CDC37: variants seen among roughly 807,000 people sequenced by gnomAD.
The protein encoded by CDC37 is hsp90 co-chaperone Cdc37.
A neutral mutation model predicts 46.9 loss-of-function variants in CDC37; 9 were observed. The observed-to-expected ratio is 0.19, with a 90% CI of 0.12 to 0.33. CDC37 has a LOEUF of 0.33. Among genes scored for constraint, CDC37 ranks in the 10% least tolerant of loss-of-function variants. The pLI, the probability that CDC37 is intolerant of heterozygous loss-of-function variation, is 1.00. For missense variants in CDC37, 388 were observed against 514.6 expected, an observed-to-expected ratio of 0.75 and a Z score of 2.38; for synonymous variants, 193 against 191.0, an observed-to-expected ratio of 1.01 and a Z score of -0.09.
chr19:10,391,802 C>T (rs1479987752), intron 7 of CDC37, 96 bp from the exon 8 acceptor site: 2 of 1,291,010 alleles, frequency 1.5e-6, no homozygotes, highest in East Asian at 4.8e-5. Flanking sequence ...GGCTTCCTGC[C>T]TATTGATATT....
intron 1 of CDC37, 61 bp downstream of exon 1, chr19:10,403,317 G>C: frequency 7.8e-7 from 1 of 1,280,470 alleles, no homozygotes; most frequent in African/African-American, 1.5e-5. Context: ...GGCAGTATCG[G>C]GGATCACAAC....
chr19:10,400,609 A>T (rs1322094734), intron 1 of CDC37: 2 of 152,166 alleles, frequency 1.3e-5, no homozygotes, highest in East Asian at 3.9e-4. Flanking sequence ...CAGAAGTAGG[A>T]GGATCACTTG....
In CDC37 at chr19:10,391,581, C is replaced by T; in HGVS notation, c.1107G>A (p.Lys369=). 2 of 1,614,230 alleles carry T rather than the reference C, an allele frequency of 1.2e-6. No homozygotes were observed. Among genetic ancestry groups the T allele is most frequent in the South Asian group, 2.2e-5 (2 of 91,082 alleles). ...CACTGACATCCTTCTCATCGCCCGT[C>T]TTGGGAACAGCTTCCAGTAATGGGT... ...PGDPLLEAVP[K]TGDEKDVSV The change falls in exon 8 of 8, where the codon AAG becomes AAA. Residue 369 remains lysine, a synonymous_variant. Transcript: ENST00000222005.
Position 10,397,449 on chromosome 19 carries a change from C to T in CDC37, c.103-1246G>A, listed in dbSNP as rs187167783. On this transcript the variant is annotated intron_variant, in intron 1 of 7. Transcript: ENST00000222005. ...TTTTTTTTTTTTTTTGAGACGGAGTCGCCCAGGCTGGAGTGCAGTGGCGTG... is the reference window on the plus strand; with the variant it reads ...TTTTTTTTTTTTTTTGAGACGGAGTTGCCCAGGCTGGAGTGCAGTGGCGTG... 8.3e-3 allele frequency among the ~76,000 whole-genome samples: 1,120 copies of T among 135,250 alleles called. 16 individuals are homozygous for T. The highest frequency in any genetic ancestry group is 0.029 in the African/African-American group (1,042 of 35,512). 88.7% of individuals were successfully genotyped at this position (135,250 alleles called of 152,430 possible). A position where few individuals can be genotyped will look rare whatever the true frequency, so the allele number is the denominator to read the frequency against.
At chr19:10,397,180 G>A (rs151268961) in intron 1 of CDC37, among the ~76,000 whole-genome samples, 3 of 151,970 alleles carry the variant, frequency 2.0e-5, no homozygotes, top group Admixed American at 6.6e-5. Flanking sequence ...GAACGTGTTC[G>A]CCATTTTGTT....
Position 10,393,497 on chromosome 19 carries a change from G to A in CDC37, c.727-56C>T, listed in dbSNP as rs920769899. 1.3e-5 allele frequency: 20 copies of A among 1,544,720 alleles called. No individual in the cohort carries two copies. Among genetic ancestry groups the A allele is most frequent in the African/African-American group, 2.7e-5 (2 of 72,948 alleles). ...TGGCCCAACGCTCAGGAGGGACTGG[G>A]GGGCCCAGGACCCTCCAGCCACAGC... On this transcript the variant is annotated intron_variant, in intron 5 of 7. Transcript: ENST00000222005. The surrounding 1 kb of genome is among the most constrained non-coding windows in gnomAD (Gnocchi z 4.9).
intron 1 of CDC37, among the ~76,000 whole-genome samples, chr19:10,401,439 C>T (rs2042518266): frequency 2.0e-5 from 3 of 152,186 alleles, no homozygotes; most frequent in African/African-American, 7.2e-5. Flanking sequence ...CACTACGCTG[C>T]AGGAGGGGGG....
Position 10,396,345 on chromosome 19 carries a change from G to T in CDC37, c.103-142C>A. The T allele has an allele frequency of 1.0e-6, 1 of 964,388 alleles. No individual in the cohort carries two copies. Among genetic ancestry groups the T allele is most frequent in the Non-Finnish European group, 1.5e-6 (1 of 660,624 alleles). 59.7% of individuals were successfully genotyped at this position (964,388 alleles called of 1,614,324 possible). ...CCCTGGTCTCCCAGCTTCCGCCCCT[G>T]CGCCCACAGGTGCCAGCGCACACCC... On this transcript the variant is annotated intron_variant, in intron 1 of 7. Transcript: ENST00000222005. The surrounding 1 kb of genome is among the most constrained non-coding windows in gnomAD (Gnocchi z 5.9).
Position 10,391,563 on chromosome 19 carries a change from A to T in CDC37, c.1125T>A (p.Asp375Glu). The T allele has an allele frequency of 6.2e-7, 1 of 1,614,218 alleles. No individual in the cohort carries two copies. Among genetic ancestry groups the T allele is most frequent in the South Asian group, 1.1e-5 (1 of 91,090 alleles). ...EAVPKTGDEK[D>E]VSV ...TAGCTGGGGCAGGTCACACACTGAC[A>T]TCCTTCTCATCGCCCGTCTTGGGAA... The change falls in exon 8 of 8, where the codon GAT becomes GAA. Residue 375 changes from aspartate (D) to glutamate (E), a missense_variant. Transcript: ENST00000222005.
rs780126114 is a variant in CDC37, at chr19:10,396,239, C to A, written c.103-36G>T. On this transcript the variant is annotated intron_variant, in intron 1 of 7. Coordinates refer to ENST00000222005, the MANE Select transcript of CDC37 (RefSeq NM_007065.4). The surrounding 1 kb of genome is among the most constrained non-coding windows in gnomAD (Gnocchi z 5.9). ...GGACGGCCTATCAACTCTGGGGAGT[C>A]GTCTGTCCCTTACCCCCGCCCCATA... 1.9e-6 allele frequency: 3 copies of A among 1,596,452 alleles called. No individual in the cohort carries two copies. The Admixed American group carries it at 5.1e-5, about 27-fold the overall frequency.
rs61747102 is a variant in CDC37 at position 10,395,469 on chromosome 19, G to A, written c.453C>T (p.Phe151=). ...EEVREQKHKT[F]VEKYEKQIKH... is the part of the protein sequence containing the mutation. ...TGATCTGTTTCTCGTATTTTTCCAC[G>A]AAGGTCTTGTGTTTCTGCTCCCTCA... The change falls in exon 3 of 8, where the codon TTC becomes TTT. Residue 151 remains phenylalanine (F), a synonymous_variant. Coordinates refer to ENST00000222005, the MANE Select transcript of CDC37 (RefSeq NM_007065.4). 3.7e-3 allele frequency: 5,970 copies of A among 1,614,042 alleles called. 172 individuals carry two copies. The African/African-American group carries it at 0.068, about 18-fold the overall frequency.
In CDC37 at chr19:10,395,934, G is replaced by A. The variant is rs1470273738; in HGVS notation, c.372C>T (p.Phe124=). 1.3e-6 allele frequency: 2 copies of A among 1,551,102 alleles called. No individual in the cohort carries two copies. Among genetic ancestry groups the A allele is most frequent in the Non-Finnish European group, 1.8e-6 (2 of 1,137,202 alleles). The change falls in exon 2 of 8, where the codon TTC becomes TTT. Residue 124 remains phenylalanine, a synonymous_variant. Coordinates refer to ENST00000222005, the MANE Select transcript of CDC37 (RefSeq NM_007065.4). ...CCCCGCCCGCCCCGCACACCTTGCT[G>A]AAGCCGTCTTTGCTGAGCGTGTCCA... ...WNVDTLSKDG[F]SKSMVNTKPE...
At chr19:10,402,445 G>C (rs918184231) in intron 1 of CDC37, among the ~76,000 whole-genome samples, 1 of 152,068 alleles carries the variant, frequency 6.6e-6, no homozygotes, top group African/African-American at 2.4e-5. Flanking sequence ...TAGCTAACAG[G>C]CTGGGGACAA....
Position 10,403,372 on chromosome 19 carries a change from C to A in CDC37, c.102+6G>T. On this transcript the variant is annotated splice_donor_region_variant and intron_variant, in intron 1 of 7. Coordinates refer to ENST00000222005, the MANE Select transcript of CDC37 (RefSeq NM_007065.4). ...GTGGGGAAAGGGATGGGCGCGCGCG[C>A]CTTACCTGATGCCGCCAGCGGAAGA... 1 of 1,609,896 alleles carries A rather than the reference C, an allele frequency of 6.2e-7. No homozygotes were observed. The highest frequency in any genetic ancestry group is 8.5e-7 in the Non-Finnish European group (1 of 1,178,772).
rs1050463978 is a variant in CDC37 at position 10,391,432 on chromosome 19, A to G, written c.*119T>C. 1 of 1,288,388 alleles carries G rather than the reference A, an allele frequency of 7.8e-7. No homozygotes were observed. Among genetic ancestry groups the G allele is most frequent in the East Asian group, 2.3e-5 (1 of 43,290 alleles). The allele number at this position is 1,288,388 out of a possible 1,614,324, so 79.8% of individuals were successfully genotyped here. A position where few individuals can be genotyped will look rare whatever the true frequency, so the allele number is the denominator to read the frequency against. ...CCAGGGAGGGCTGGGCGGGCCCCCC[A>G]GGCTGGGCCGAGCAGCGCAAGTAGA... On this transcript the variant is annotated 3_prime_UTR_variant, in exon 8 of 8. Transcript: ENST00000222005.
chr19:10,402,791 G>T (rs1375842153), intron 1 of CDC37, among the ~76,000 whole-genome samples: 1 of 152,156 alleles, frequency 6.6e-6, no homozygotes, highest in Non-Finnish European at 1.5e-5. Context: ...CTAGGAAGGG[G>T]GTCCTGGGTG....
chr19:10,401,242 C>A (rs2042516789), intron 1 of CDC37, among the ~76,000 whole-genome samples: 1 of 152,146 alleles, frequency 6.6e-6, no homozygotes, highest in Non-Finnish European at 1.5e-5. Flanking sequence ...GTGAGTCTTG[C>A]CACATCAAAG....
At chr19:10,395,704 C>T (rs752346497) in intron 2 of CDC37, 161 bp from the exon 3 acceptor site, 1 of 778,704 alleles carries the variant, frequency 1.3e-6, no homozygotes, top group Non-Finnish European at 2.1e-6. Flanking sequence ...GGCCTTGGGG[C>T]AGATCAGAGG....
rs28745612 is a variant in CDC37 at position 10,394,598 on chromosome 19, A to G, written c.726+423T>C. Among the ~76,000 whole-genome samples, 581 of 152,126 alleles carry G rather than the reference A, an allele frequency of 3.8e-3. 2 individuals carry two copies. The highest frequency in any genetic ancestry group is 0.014 in the African/African-American group (563 of 41,490). ...GTTGCCTAGGCTGAAGTGCAATGGC[A>G]CGATCTCGGCTCACAGCAACCTCTG... On this transcript the variant is annotated intron_variant, in intron 5 of 7. Transcript: ENST00000222005.
Sources: gnomAD v4.1 joint callset for allele counts (sites outside exome capture counted in the v4.1 genomes callset) on GRCh38, gnomAD v4.1.1 for gene constraint, Gnocchi (gnomAD v3.1) non-coding constraint, MANE v1.5 for transcripts, NCBI Gene and HGNC (gene_info 2026-07-23, HGNC 2026-07-21) for gene names.